RAG2: variants seen among roughly 807,000 people sequenced by gnomAD.
The protein encoded by RAG2 is V(D)J recombination-activating protein 2.
RAG2 carries 16 observed loss-of-function variants against 31.8 expected under a neutral mutation model. The ratio of observed to expected loss-of-function variants is 0.50; its 90% CI spans 0.34 to 0.76. RAG2 has a LOEUF of 0.76. Among genes scored for constraint, RAG2 ranks in the 30% least tolerant of loss-of-function variants. RAG2 has a pLI of 0.01. For missense variants in RAG2, 622 were observed against 628.5 expected (o/e 0.99, Z 0.11); for synonymous variants, 199 against 215.9 (o/e 0.92, Z 0.68).
rs528679382 is a variant in RAG2 at position 36,592,765 on chromosome 11, A to G, written c.1404T>C (p.His468=). Residue 468 remains histidine, a synonymous_variant, in exon 2 of 2, where the codon CAT becomes CAC. Transcript: ENST00000311485. The part of the protein sequence containing the change: ...CMDLAERTLI[H]LSAGSNKYYC... ...AATACTTGTTGCTTCCTGCTGACAG[A>G]TGGATGAGTGTGCGTTCTGCCAGAT... 3.1e-6 allele frequency: 5 copies of G among 1,614,092 alleles called. No homozygotes were observed. Among genetic ancestry groups the G allele is most frequent in the Middle Eastern group, 1.6e-4 (1 of 6,062 alleles).
At position 36,594,176 on chromosome 11, in the gene RAG2, G is replaced by GC; in HGVS notation, c.-9_-8insG. On this transcript the variant is annotated 5_prime_UTR_variant, in exon 2 of 2. In the 5' UTR this introduces an upstream ATG that the reference lacks. Coordinates refer to ENST00000311485, the MANE Select transcript of RAG2 (RefSeq NM_000536.4). ...TACCATCTGCAGAGACATAGTTTCTGATGGTACGTAGATTTTTGTCTGAAA... is the reference window on the plus strand; with the variant it reads ...TACCATCTGCAGAGACATAGTTTCTGCATGGTACGTAGATTTTTGTCTGAAA... 1 of 1,583,494 alleles carries GC rather than the reference G, an allele frequency of 6.3e-7. No homozygotes were observed. Among genetic ancestry groups the GC allele is most frequent in the Non-Finnish European group, 8.7e-7 (1 of 1,152,408 alleles).
chr11:36,596,314 G>A (rs1416958807), intron 1 of RAG2, among the ~76,000 whole-genome samples: 1 of 142,318 alleles, frequency 7.0e-6, no homozygotes, highest in African/African-American at 2.7e-5. Context: ...CAGTCTACTT[G>A]GGAGACTCGT....
At chr11:36,596,328 G>A (rs898333787) in intron 1 of RAG2, among the ~76,000 whole-genome samples, 5 of 151,200 alleles carry the variant, frequency 3.3e-5, no homozygotes, top group African/African-American at 1.2e-4. Context: ...GACTCGTAAG[G>A]GGGTGATCTT....
chr11:36,595,399 T>A (rs1031184781), intron 1 of RAG2: 6 of 152,244 alleles, frequency 3.9e-5, no homozygotes, highest in African/African-American at 1.4e-4. Flanking sequence ...ATTGTTTACC[T>A]TAGAGAGTTG....
At position 36,594,155 on chromosome 11, in the gene RAG2, A is replaced by T. The variant is rs143415103; in HGVS notation, c.14T>A (p.Met5Lys). The T allele has an allele frequency of 2.5e-4, 402 of 1,609,856 alleles. No individual in the cohort carries two copies. Among genetic ancestry groups the T allele is most frequent in the Non-Finnish European group, 3.3e-4 (389 of 1,176,246 alleles). Residue 5 changes from methionine to lysine, a missense_variant, in exon 2 of 2, where the codon ATG becomes AAG. Physicochemically the swap from Met to Lys is moderately conservative, Grantham distance 95 (BLOSUM62 -1). Transcript: ENST00000311485. MSLQ[M>K]VTVSNNIALI... ...GGCTATGTTATTACTGACTGTTACC[A>T]TCTGCAGAGACATAGTTTCTGATGG...
intron 1 of RAG2, chr11:36,595,058 A>G (rs1430611642): frequency 6.6e-6 from 1 of 152,186 alleles, no homozygotes; most frequent in East Asian, 1.9e-4. Flanking sequence ...TACATTTAGT[A>G]ATAGAAATAC....
intron 1 of RAG2, among the ~76,000 whole-genome samples, chr11:36,596,439 T>C (rs867801): frequency 0.15 from 23,088 of 152,096 alleles, 2,502 homozygotes; most frequent in African/African-American, 0.3. Context: ...CTCAGTTGTA[T>C]ATTCAGCAAA....
chr11:36,591,091 A>G (rs1276414905), downstream of RAG2, among the ~76,000 whole-genome samples: 2 of 152,144 alleles, frequency 1.3e-5, no homozygotes, highest in African/African-American at 2.4e-5. Context: ...AGATTTTTAT[A>G]TTTTATTATT....
chr11:36,596,176 T>C (rs1851222108), intron 1 of RAG2, among the ~76,000 whole-genome samples: 1 of 151,878 alleles, frequency 6.6e-6, no homozygotes. Flanking sequence ...CCTTGGACTA[T>C]TTAGAATCTC....
At position 36,596,211 on chromosome 11, in the gene RAG2, G is replaced by GTTTTTTTTTTTTTTTTTTTTT. The variant is rs1243664769; in HGVS notation, c.-28+1890_-28+1891insAAAAAAAAAAAAAAAAAAAAA. 4.9e-5 allele frequency among the ~76,000 whole-genome samples: 5 copies of GTTTTTTTTTTTTTTTTTTTTT among 101,150 alleles called. 1 individual carries two copies. Among genetic ancestry groups the GTTTTTTTTTTTTTTTTTTTTT allele is most frequent in the African/African-American group, 2.1e-4 (5 of 24,308 alleles). 66.4% of individuals were successfully genotyped at this position (101,150 alleles called of 152,430 possible). On this transcript the variant is annotated intron_variant, in intron 1 of 1. Transcript: ENST00000311485. Reference sequence around the variant, plus strand: ...CTGGTCACTCTAATGAGATGGTAGTGTTTTTTTTTTGTTTTTTTTTTTTTT... The same window carrying GTTTTTTTTTTTTTTTTTTTTT: ...CTGGTCACTCTAATGAGATGGTAGTGTTTTTTTTTTTTTTTTTTTTTTTTTTTTTTTGTTTTTTTTTTTTTT...
Position 36,592,974 on chromosome 11 carries a change from A to T in RAG2, c.1195T>A (p.Phe399Ile). The change falls in exon 2 of 2, where the codon TTT (phenylalanine) becomes ATT (isoleucine). Residue 399 changes from phenylalanine (F) to isoleucine (I), a missense_variant. Phe to Ile is a conservative substitution (Grantham distance 21, BLOSUM62 0). Coordinates refer to ENST00000311485, the MANE Select transcript of RAG2 (RefSeq NM_000536.4). ...TCATCATCTTCATTATAGGTGTCAA[A>T]TTCATCATCACCATCAAAACTATTT... ...EANSFDGDDE[F>I]DTYNEDDEED... 1.2e-6 allele frequency: 2 copies of T among 1,614,148 alleles called. No individual in the cohort carries two copies. The highest frequency in any genetic ancestry group is 1.7e-6 in the Non-Finnish European group (2 of 1,180,014).
In RAG2 at chr11:36,591,992, T is replaced by A. The variant is rs967146413; in HGVS notation, c.*593A>T. ...TTTTGTGTCAGTGGAGAACATTATC[T>A]ATCTATATGTATACATATATTTATA... is the stretch of plus-strand genomic sequence containing the variant. On this transcript the variant is annotated 3_prime_UTR_variant, in exon 2 of 2. Transcript: ENST00000311485. The A allele has an allele frequency of 6.6e-6, 1 of 152,406 alleles. No individual in the cohort carries two copies. The allele number at this position is 152,406 out of a possible 1,614,324, so 9.4% of individuals were successfully genotyped here.
chr11:36,594,269 G>C, intron 1 of RAG2, 74 bp from the exon 2 acceptor site: 1 of 1,003,354 alleles, frequency 1.0e-6, no homozygotes, highest in Non-Finnish European at 1.6e-6. Flanking sequence ...CTTCACATGT[G>C]AATAGCATTT....
chr11:36,597,270 A>G (rs1032446734), intron 1 of RAG2, among the ~76,000 whole-genome samples: 12 of 152,212 alleles, frequency 7.9e-5, no homozygotes, highest in African/African-American at 1.2e-4. Flanking sequence ...CATAGTTTCA[A>G]TATGACTGTA....
chr11:36,592,727 T>C lies in RAG2; in HGVS notation c.1442A>G (p.His481Arg). Residue 481 changes from histidine (H) to arginine (R), a missense_variant, in exon 2 of 2, where the codon CAT becomes CGT. His to Arg is a conservative substitution (Grantham distance 29, BLOSUM62 0). Transcript: ENST00000311485. ...GTGTAGAGCTCTTGCTATCTCCACA[T>C]GCTCATTGCAGTAATACTTGTTGCT... Reference protein sequence around the residue: ...AGSNKYYCNEHVEIARALHTP... With the variant: ...AGSNKYYCNERVEIARALHTP... 1 of 1,610,044 alleles carries C rather than the reference T, an allele frequency of 6.2e-7. No homozygotes were observed. Among genetic ancestry groups the C allele is most frequent in the South Asian group, 1.1e-5 (1 of 90,828 alleles).
In RAG2 at chr11:36,592,527, GA is replaced by G; in HGVS notation, c.*57del. ...AATGTATTTTTAAAATCAATGTTAT[GA>G]TTTTAAAAATAGATTCAAAAATTCC... On this transcript the variant is annotated 3_prime_UTR_variant, in exon 2 of 2. Coordinates refer to ENST00000311485, the MANE Select transcript of RAG2 (RefSeq NM_000536.4). 3 of 1,583,612 alleles carry G rather than the reference GA, an allele frequency of 1.9e-6. No individual in the cohort carries two copies. In the East Asian group the frequency reaches 6.8e-5, roughly 36 times the overall value.
Position 36,592,834 on chromosome 11 carries a change from G to T in RAG2, c.1335C>A (p.Tyr445Ter). ...CCCAGTGCCCATCCCCATGAGAGCAGTAGATCATGGCGGGTTTGTTGAGCT... is the reference window on the plus strand; with the variant it reads ...CCCAGTGCCCATCCCCATGAGAGCATTAGATCATGGCGGGTTTGTTGAGCT... ...STELNKPAMI[Y>*]CSHGDGHWVH... Residue 445 changes from tyrosine (Y) to a stop codon, truncating the protein, a stop_gained, in exon 2 of 2, where the codon TAC (tyrosine) becomes TAA (stop). Transcript: ENST00000311485. LOFTEE classifies it high-confidence loss of function. The T allele has an allele frequency of 6.2e-7, 1 of 1,614,148 alleles. No individual in the cohort carries two copies. The highest frequency in any genetic ancestry group is 8.5e-7 in the Non-Finnish European group (1 of 1,180,022).
Position 36,592,279 on chromosome 11 carries a change from C to A in RAG2, c.*306G>T. ...ACTTATATAATAAATATAAACATAC[C>A]TCGATGATTATTACTGCTTCTGGGT... On this transcript the variant is annotated 3_prime_UTR_variant, in exon 2 of 2. Coordinates refer to ENST00000311485, the MANE Select transcript of RAG2 (RefSeq NM_000536.4). 2.9e-6 allele frequency: 1 copy of A among 348,570 alleles called. No individual in the cohort carries two copies. Among genetic ancestry groups the A allele is most frequent in the Non-Finnish European group, 5.3e-6 (1 of 187,840 alleles). The allele number at this position is 348,570 out of a possible 1,614,324, so 21.6% of individuals were successfully genotyped here.
chr11:36,591,001 T>C (rs1426826983), downstream of RAG2, among the ~76,000 whole-genome samples: 1 of 152,092 alleles, frequency 6.6e-6, no homozygotes, highest in African/African-American at 2.4e-5. Flanking sequence ...CAAAGTGGAG[T>C]GATCCTGAAA....
Sources: allele counts gnomAD v4.1 joint callset (sites outside exome capture counted in the v4.1 genomes callset), GRCh38; gene constraint gnomAD v4.1.1; transcripts MANE v1.5; gene names NCBI Gene and HGNC (gene_info 2026-07-23, HGNC 2026-07-21).